Variants in SLC46A3 observed in about 807,000 individuals in gnomAD.
SLC46A3 encodes the protein solute carrier family 46 member 3.
In SLC46A3, 26 loss-of-function variants were observed where a neutral mutation model predicts 38.5. The observed-to-expected ratio is 0.68, with a 90% CI of 0.49 to 0.94. The LOEUF is 0.94. Ranked by LOEUF, SLC46A3 falls within the 40% of genes least tolerant of loss-of-function variation. The pLI is 0.00. For synonymous variants in SLC46A3, 185 were observed against 192.5 expected (o/e 0.96, Z 0.32); for missense variants, 510 against 544.3 (o/e 0.94, Z 0.63).
chr13:28,706,857 C>G (rs2137825873), intron 4 of SLC46A3, among the ~76,000 whole-genome samples: 1 of 152,348 alleles, frequency 6.6e-6, no homozygotes, highest in East Asian at 1.9e-4. Flanking sequence ...GAGATACCAT[C>G]TCACACCAGT....
chr13:28,713,505 T>G lies in SLC46A3; in HGVS notation c.235A>C (p.Ser79Arg). ...VSRFNLQMDI[S>R]GLIPGLVSTF... The stretch of plus-strand genomic sequence containing the variant: ...GACACTAGACCAGGAATTAATCCAC[T>G]TATGTCCATCTGCAGATTAAAACGT... The change falls in exon 3 of 6, where the codon AGT (serine) becomes CGT (arginine). Residue 79 changes from serine (S) to arginine (R), a missense_variant. Physicochemically the swap from Ser to Arg is moderately radical, Grantham distance 110 (BLOSUM62 -1). Coordinates refer to ENST00000266943, the MANE Select transcript of SLC46A3 (RefSeq NM_181785.4). The G allele has an allele frequency of 6.2e-7, 1 of 1,610,576 alleles. No homozygotes were observed. Among genetic ancestry groups the G allele is most frequent in the South Asian group, 1.1e-5 (1 of 90,854 alleles).
Position 28,701,114 on chromosome 13 carries a change from GA to G in SLC46A3, c.*382del. On this transcript the variant is annotated 3_prime_UTR_variant, in exon 6 of 6. Coordinates refer to ENST00000266943, the MANE Select transcript of SLC46A3 (RefSeq NM_181785.4). ...AACCCATTCTGCTGATGAAGAAACT[GA>G]GGTAAAGATTTCTCTTTGGTCTCAG... The G allele has an allele frequency of 6.9e-7, 1 of 1,442,350 alleles. No homozygotes were observed. The highest frequency in any genetic ancestry group is 2.5e-5 in the East Asian group (1 of 39,676). The allele number at this position is 1,442,350 out of a possible 1,614,324, so 89.3% of individuals were successfully genotyped here. A position where few individuals can be genotyped will look rare whatever the true frequency, so the allele number is the denominator to read the frequency against.
At chr13:28,716,181 A>G (rs1352743089) in intron 2 of SLC46A3, among the ~76,000 whole-genome samples, 1 of 152,108 alleles carries the variant, frequency 6.6e-6, no homozygotes, top group African/African-American at 2.4e-5. Context: ...ATAAATACAT[A>G]ATAAACAAAA....
chr13:28,707,553 A>G (rs180898166), intron 4 of SLC46A3, among the ~76,000 whole-genome samples: 343 of 152,272 alleles, frequency 2.3e-3, no homozygotes, highest in African/African-American at 8.0e-3. Context: ...AACTTAAAGT[A>G]TAATAAAAAA....
At chr13:28,706,189 C>A (rs1885170021) in intron 4 of SLC46A3, among the ~76,000 whole-genome samples, 1 of 152,128 alleles carries the variant, frequency 6.6e-6, no homozygotes. Flanking sequence ...AAGGCAGCTT[C>A]AGCTATGAGT....
At chr13:28,703,883 G>GT in intron 5 of SLC46A3, 60 bp downstream of exon 5, 1 of 1,487,748 alleles carries the variant, frequency 6.7e-7, no homozygotes, top group Non-Finnish European at 9.2e-7. Flanking sequence ...TACTGGTGAG[G>GT]TTAGGGAATT....
Position 28,712,830 on chromosome 13 carries a change from C to G in SLC46A3, c.910G>C (p.Gly304Arg), listed in dbSNP as rs1885390750. Residue 304 changes from glycine to arginine, a missense_variant, in exon 3 of 6, where the codon GGT becomes CGT. Coordinates refer to ENST00000266943, the MANE Select transcript of SLC46A3 (RefSeq NM_181785.4). ...AAACTAGTCAAAAAAGAGGCACTAC[C>G]CAAAGCTGATCCATAACCTATAAAA... ...EVFIGYGSAL[G>R]SASFLTSFLG... 6.2e-7 allele frequency: 1 copy of G among 1,613,290 alleles called. No homozygotes were observed. Among genetic ancestry groups the G allele is most frequent in the African/African-American group, 1.3e-5 (1 of 74,756 alleles).
intron 4 of SLC46A3, among the ~76,000 whole-genome samples, chr13:28,705,173 T>A (rs2137823443): frequency 6.6e-6 from 1 of 152,386 alleles, no homozygotes; most frequent in South Asian, 2.1e-4. Context: ...AGCTTCTGCT[T>A]TCTGCAGATT....
chr13:28,712,365 T>C (rs1319497932), intron 3 of SLC46A3, among the ~76,000 whole-genome samples: 1 of 152,240 alleles, frequency 6.6e-6, no homozygotes, highest in Non-Finnish European at 1.5e-5. Flanking sequence ...AGTAGTCTTA[T>C]TAGCAGCATT....
At chr13:28,712,154 TAGGTAGTTAAGGA>T (rs1566122551) in intron 3 of SLC46A3, among the ~76,000 whole-genome samples, 1 of 152,146 alleles carries the variant, frequency 6.6e-6, no homozygotes, top group Non-Finnish European at 1.5e-5. Context: ...AGTTATAAGG[TAGGTAGTTAAGGA>T]AGCAGTCTAA....
At chr13:28,702,165 G>A (rs1228920810) in intron 5 of SLC46A3, among the ~76,000 whole-genome samples, 1 of 150,560 alleles carries the variant, frequency 6.6e-6, no homozygotes, top group Non-Finnish European at 1.5e-5. Flanking sequence ...TTTTTTTTTG[G>A]TAAAGATGGG....
At chr13:28,702,971 G>C (rs910436052) in intron 5 of SLC46A3, among the ~76,000 whole-genome samples, 2 of 152,144 alleles carry the variant, frequency 1.3e-5, no homozygotes, top group Non-Finnish European at 2.9e-5. Context: ...GAGCTCAGCA[G>C]AAACAGATTA....
Position 28,710,779 on chromosome 13 carries a change from C to T in SLC46A3, c.1125G>A (p.Val375=). The change falls in exon 4 of 6, where the codon GTG becomes GTA. Residue 375 remains valine (V), a synonymous_variant. Transcript: ENST00000266943. The part of the protein sequence containing the change: ...FSVLRSMLSK[V]VRSTEQGTLF... Reference sequence around the variant, plus strand: ...ACTCACCTTGTTCAGTCGAACGAACCACTTTTGACAACATGGACCGTAGAA... The same window carrying T: ...ACTCACCTTGTTCAGTCGAACGAACTACTTTTGACAACATGGACCGTAGAA... 1 of 1,613,724 alleles carries T rather than the reference C, an allele frequency of 6.2e-7. No homozygotes were observed. Among genetic ancestry groups the T allele is most frequent in the Non-Finnish European group, 8.5e-7 (1 of 1,179,778 alleles).
In SLC46A3 at chr13:28,701,584, A is replaced by G. The variant is rs1386131539; in HGVS notation, c.1302-3T>C. The G allele has an allele frequency of 6.2e-7, 1 of 1,609,918 alleles. No homozygotes were observed. The highest frequency in any genetic ancestry group is 1.7e-5 in the Admixed American group (1 of 59,170). Reference sequence around the variant, plus strand: ...TCCAGCTGGTACACTTGACAACACTATAAAAGGAAACAAGACATTTTAAAG... The same window carrying G: ...TCCAGCTGGTACACTTGACAACACTGTAAAAGGAAACAAGACATTTTAAAG... On this transcript the variant is annotated splice_polypyrimidine_tract_variant and splice_region_variant and intron_variant, in intron 5 of 5. Transcript: ENST00000266943.
chr13:28,713,621 C>T, intron 2 of SLC46A3, 71 bp from the exon 3 acceptor site: 1 of 1,462,512 alleles, frequency 6.8e-7, no homozygotes, highest in Non-Finnish European at 9.2e-7. Context: ...TATCATGGTG[C>T]ATATGCTTTT....
intron 3 of SLC46A3, among the ~76,000 whole-genome samples, chr13:28,711,858 GA>G (rs1490989306): frequency 5.9e-5 from 9 of 152,304 alleles, no homozygotes; most frequent in Admixed American, 5.9e-4. Flanking sequence ...GCGAGTGCTT[GA>G]CAGCTACCTA....
At chr13:28,703,547 TTAA>T (rs1204944859) in intron 5 of SLC46A3, among the ~76,000 whole-genome samples, 1 of 152,188 alleles carries the variant, frequency 6.6e-6, no homozygotes, top group East Asian at 1.9e-4. Context: ...TTTATTTATT[TTAA>T]TGAGATGGGG....
rs773682481 is a variant in SLC46A3 at position 28,701,468 on chromosome 13, T to A, written c.*29A>T. ...TCATGGTATATGATATGTGCATTCA[T>A]AGATTTTTTTTGTTTGTTTAAATCA... On this transcript the variant is annotated 3_prime_UTR_variant, in exon 6 of 6. Transcript: ENST00000266943. The A allele has an allele frequency of 6.2e-7, 1 of 1,607,224 alleles. No homozygotes were observed. The highest frequency in any genetic ancestry group is 1.1e-5 in the South Asian group (1 of 89,296).
chr13:28,712,179 T>C (rs935846184), intron 3 of SLC46A3, among the ~76,000 whole-genome samples: 21 of 152,214 alleles, frequency 1.4e-4, no homozygotes, highest in African/African-American at 4.3e-4. Flanking sequence ...GCAGTCTAAT[T>C]TGCCAACCAG....
Sources: gnomAD v4.1 joint callset for allele counts (sites outside exome capture counted in the v4.1 genomes callset) on GRCh38, gnomAD v4.1.1 for gene constraint, MANE v1.5 for transcripts, NCBI Gene and HGNC (gene_info 2026-07-23, HGNC 2026-07-21) for gene names.